FOCAD: variants seen among roughly 807,000 people sequenced by gnomAD.
The protein encoded by FOCAD is focadhesin.
In FOCAD, 198 loss-of-function variants were observed where a neutral mutation model predicts 225.6. The observed-to-expected ratio is 0.88, with a 90% CI of 0.78 to 0.99. The LOEUF (loss-of-function observed/expected upper bound fraction) is 0.99, where lower values mean the gene tolerates loss of function less well. Among genes scored for constraint, FOCAD ranks in the 50% least tolerant of loss-of-function variants. The pLI is 0.00. For synonymous variants in FOCAD, 897 were observed against 755.0 expected (o/e 1.19, Z -3.08); for missense variants, 2,713 against 2,123.6 (o/e 1.28, Z -5.46).
chr9:20,845,494 A>G (rs1206248287), intron 15 of FOCAD, among the ~76,000 whole-genome samples: 1 of 137,356 alleles, frequency 7.3e-6, no homozygotes, highest in Non-Finnish European at 1.6e-5. Context: ...TGTACATGCC[A>G]TGTATTGTCC....
At chr9:20,766,664 CCCTT>C (rs1329916936) in intron 7 of FOCAD, among the ~76,000 whole-genome samples, 1 of 151,896 alleles carries the variant, frequency 6.6e-6, no homozygotes, top group Non-Finnish European at 1.5e-5. Flanking sequence ...TCACCTCCCT[CCCTT>C]CCTTATTTTT....
intron 15 of FOCAD, among the ~76,000 whole-genome samples, chr9:20,823,366 T>C (rs1413820097): frequency 1.3e-5 from 2 of 152,072 alleles, no homozygotes; most frequent in African/African-American, 4.8e-5. Flanking sequence ...TTTCTTCTTA[T>C]TTATTTTTGT....
chr9:20,925,066 T>C (rs1268644049), intron 25 of FOCAD, among the ~76,000 whole-genome samples: 1 of 152,180 alleles, frequency 6.6e-6, no homozygotes, highest in Admixed American at 6.5e-5. Flanking sequence ...CATGGATATA[T>C]ATTACATGTA....
intron 25 of FOCAD, among the ~76,000 whole-genome samples, chr9:20,923,999 A>G (rs1834708615): frequency 6.6e-6 from 1 of 152,148 alleles, no homozygotes; most frequent in Admixed American, 6.5e-5. Flanking sequence ...TGCCAATTTT[A>G]TGCCATAGGG....
rs555226084 is a variant in FOCAD at position 20,914,350 on chromosome 9, C to G, written c.2807+1396C>G. On this transcript the variant is annotated intron_variant, in intron 23 of 43. Transcript: ENST00000338382. ...AGCTTATACTTGAGTAGATGGAAAC[C>G]TGTAATAAACAAATAAACAAATGGA... 1.8e-3 allele frequency among the ~76,000 whole-genome samples: 262 copies of G among 147,870 alleles called. 1 individual carries two copies. Among genetic ancestry groups the G allele is most frequent in the African/African-American group, 6.0e-3 (245 of 41,032 alleles).
intron 8 of FOCAD, among the ~76,000 whole-genome samples, chr9:20,773,529 C>T (rs565867949): frequency 6.6e-6 from 1 of 152,142 alleles, no homozygotes. Context: ...TCACACAGCT[C>T]AAGAAATAGA....
Position 20,981,763 on chromosome 9 carries a change from G to A in FOCAD, c.4638+77G>A, listed in dbSNP as rs1036265757. ...AAAGGCTTCTTGGCAAAGTGGGGAG[G>A]TGTATGTTTTAAGAATGTGGGTGGG... On this transcript the variant is annotated intron_variant, in intron 38 of 43. Coordinates refer to ENST00000338382, the MANE Select transcript of FOCAD (RefSeq NM_001375567.1). 7 of 1,493,388 alleles carry A rather than the reference G, an allele frequency of 4.7e-6. No individual in the cohort carries two copies. In the African/African-American group the frequency reaches 5.6e-5, roughly 12 times the overall value. The allele number at this position is 1,493,388 out of a possible 1,614,324, so 92.5% of individuals were successfully genotyped here. A position where few individuals can be genotyped will look rare whatever the true frequency, so the allele number is the denominator to read the frequency against.
rs184825340 is a variant in FOCAD at position 20,859,618 on chromosome 9, A to G, written c.1921-2960A>G. 6.9e-3 allele frequency among the ~76,000 whole-genome samples: 1,021 copies of G among 147,866 alleles called. 8 individuals are homozygous for G. The highest frequency in any genetic ancestry group is 0.024 in the African/African-American group (967 of 40,634). ...TTTTTTGACTAGTGTTTTTTTTTCT[A>G]TTCTTTAAAAAAATTTATTTTGAAA... On this transcript the variant is annotated intron_variant, in intron 15 of 43. Coordinates refer to ENST00000338382, the MANE Select transcript of FOCAD (RefSeq NM_001375567.1).
At chr9:20,904,710 T>C (rs989610277) in intron 21 of FOCAD, among the ~76,000 whole-genome samples, 2 of 152,020 alleles carry the variant, frequency 1.3e-5, no homozygotes, top group South Asian at 4.1e-4. Context: ...TTTCACACAT[T>C]CATTAAAACT....
Position 20,704,083 on chromosome 9 carries a change from C to T in FOCAD, c.-32-11239C>T, listed in dbSNP as rs549154092. On this transcript the variant is annotated intron_variant, in intron 1 of 43. Transcript: ENST00000338382. ...GGTGTTATTCTTCTCTGTGGACAAT[C>T]TTAGAGTTTGCAAAAGCATATATGT... 7.9e-5 allele frequency among the ~76,000 whole-genome samples: 12 copies of T among 152,274 alleles called. No individual in the cohort carries two copies. The South Asian group carries it at 2.1e-3, about 26-fold the overall frequency.
At chr9:20,956,414 A>G (rs958867896) in intron 35 of FOCAD, among the ~76,000 whole-genome samples, 3 of 152,232 alleles carry the variant, frequency 2.0e-5, no homozygotes, top group Admixed American at 1.3e-4. Flanking sequence ...AAAAGTGTAT[A>G]TAGAAGAAAA....
intron 4 of FOCAD, among the ~76,000 whole-genome samples, chr9:20,732,341 C>T (rs1039550371): frequency 6.6e-6 from 1 of 152,000 alleles, no homozygotes; most frequent in East Asian, 1.9e-4. Flanking sequence ...TAAGATGAGA[C>T]GAAGGAGTAA....
intron 28 of FOCAD, among the ~76,000 whole-genome samples, chr9:20,944,220 C>A (rs1198564576): frequency 6.6e-6 from 1 of 152,172 alleles, no homozygotes; most frequent in Non-Finnish European, 1.5e-5. Flanking sequence ...GAATTTTAGT[C>A]TTTTCTCTCC....
At position 20,820,923 on chromosome 9, in the gene FOCAD, G is replaced by A; in HGVS notation, c.1663-18G>A. 1 of 1,601,020 alleles carries A rather than the reference G, an allele frequency of 6.2e-7. No individual in the cohort carries two copies. Among genetic ancestry groups the A allele is most frequent in the African/African-American group, 1.3e-5 (1 of 74,096 alleles). On this transcript the variant is annotated intron_variant, in intron 13 of 43. Transcript: ENST00000338382. ...CTCAAGTTGGGAAACTACCTTTTTT[G>A]TAAAATTGCCTTCGTAGGACCGAGT...
chr9:20,677,420 A>G (rs1822266169), intron 2 of FOCAD, among the ~76,000 whole-genome samples: 1 of 152,174 alleles, frequency 6.6e-6, no homozygotes, highest in Non-Finnish European at 1.5e-5. Flanking sequence ...AAACAACAGA[A>G]TTAAGAGACA....
intron 1 of FOCAD, among the ~76,000 whole-genome samples, chr9:20,705,130 T>C (rs1322144898): frequency 6.6e-6 from 1 of 152,210 alleles, no homozygotes; most frequent in Non-Finnish European, 1.5e-5. Context: ...AGTTAATACA[T>C]GTAAAATGCT....
chr9:20,844,757 C>G (rs1461659139), intron 15 of FOCAD, among the ~76,000 whole-genome samples: 3 of 152,022 alleles, frequency 2.0e-5, no homozygotes, highest in Non-Finnish European at 2.9e-5. Flanking sequence ...AGGATTTAAA[C>G]TAATCTGAGA....
chr9:20,979,449 A>T (rs961825624), intron 37 of FOCAD, among the ~76,000 whole-genome samples: 1 of 152,038 alleles, frequency 6.6e-6, no homozygotes, highest in Admixed American at 6.6e-5. Flanking sequence ...AGTGATTTTC[A>T]TGCCTCAGCC....
intron 21 of FOCAD, among the ~76,000 whole-genome samples, chr9:20,906,789 C>T (rs368619987): frequency 3.9e-5 from 6 of 152,010 alleles, no homozygotes; most frequent in African/African-American, 7.2e-5. Flanking sequence ...AAAATTACTA[C>T]GGGGGTTTGT....
Sources: gnomAD v4.1 joint callset for allele counts (sites outside exome capture counted in the v4.1 genomes callset) on GRCh38, gnomAD v4.1.1 for gene constraint, MANE v1.5 for transcripts, NCBI Gene and HGNC (gene_info 2026-07-23, HGNC 2026-07-21) for gene names.